Variants in ANKRD62 observed in about 807,000 individuals in gnomAD.
The protein encoded by ANKRD62 is ankyrin repeat domain-containing protein 62.
ANKRD62 carries 61 observed loss-of-function variants against 98.8 expected under a neutral mutation model. The observed-to-expected ratio is 0.62, with a 90% CI of 0.50 to 0.76. The LOEUF is 0.76. Ranked by LOEUF, ANKRD62 falls within the 30% of genes least tolerant of loss-of-function variation. The probability of loss-of-function intolerance (pLI) is 0.00; values close to 1 mark genes in which losing one functional copy is unlikely to be tolerated. For missense variants in ANKRD62, 933 were observed against 1,082.9 expected, an observed-to-expected ratio of 0.86 and a Z score of 1.94; for synonymous variants, 341 against 367.9, an observed-to-expected ratio of 0.93 and a Z score of 0.84.
At chr18:12,172,964 G>C in the ANKRD62 span, among the ~76,000 whole-genome samples, 2 of 152,216 alleles carry the variant, frequency 1.3e-5, no homozygotes. Flanking sequence ...GAAAAGCGCA[G>C]TATTAGGGTG....
the ANKRD62 span, among the ~76,000 whole-genome samples, chr18:12,175,146 T>C: frequency 8.5e-5 from 13 of 152,258 alleles, no homozygotes; most frequent in Non-Finnish European, 1.9e-4. Flanking sequence ...TGTGGTTGCA[T>C]TGGTGATGGT....
At chr18:12,152,953 T>C in the ANKRD62 span, among the ~76,000 whole-genome samples, 1 of 152,186 alleles carries the variant, frequency 6.6e-6, no homozygotes, top group Admixed American at 6.5e-5. Context: ...TAAACAACTT[T>C]AGCAGTCTGA....
chr18:12,175,127 G>A, the ANKRD62 span, among the ~76,000 whole-genome samples: 9 of 152,250 alleles, frequency 5.9e-5, no homozygotes, highest in African/African-American at 1.9e-4. Context: ...TGCTGCTGGC[G>A]ACTGTGTATG....
chr18:12,172,964 G>T, the ANKRD62 span, among the ~76,000 whole-genome samples: 126 of 152,334 alleles, frequency 8.3e-4, no homozygotes, highest in African/African-American at 2.9e-3. Flanking sequence ...GAAAAGCGCA[G>T]TATTAGGGTG....
intron 6 of ANKRD62, chr18:12,102,077 A>G: frequency 1.5e-6 from 2 of 1,367,052 alleles, no homozygotes; most frequent in Non-Finnish European, 2.1e-6. Context: ...GTTAAAGCTG[A>G]AAGTGCCAGA....
chr18:12,132,021 T>A (rs1910012946), downstream of ANKRD62, among the ~76,000 whole-genome samples: 2 of 152,176 alleles, frequency 1.3e-5, 1 homozygote, highest in East Asian at 3.8e-4. Context: ...GATTGCATTA[T>A]GTCATGGTAA....
At position 12,102,027 on chromosome 18, in the gene ANKRD62, G is replaced by A. The variant is rs1909310003; in HGVS notation, c.821-1131G>A. Reference sequence around the variant, plus strand: ...ACAGCGTGGCAACAGCTTTGCAGATGCCCACATCATGGTAGTTGAAATAGC... The same window carrying A: ...ACAGCGTGGCAACAGCTTTGCAGATACCCACATCATGGTAGTTGAAATAGC... On this transcript the variant is annotated intron_variant, in intron 6 of 13. Transcript: ENST00000587848. 1.8e-5 allele frequency: 25 copies of A among 1,377,896 alleles called. 1 individual carries two copies. In the South Asian group the frequency reaches 2.3e-4, roughly 13 times the overall value. 85.4% of individuals were successfully genotyped at this position (1,377,896 alleles called of 1,614,324 possible).
the ANKRD62 span, among the ~76,000 whole-genome samples, chr18:12,153,730 A>G: frequency 6.6e-6 from 1 of 152,186 alleles, no homozygotes; most frequent in Non-Finnish European, 1.5e-5. Context: ...TTCAAACTAT[A>G]CTACAGGGCT....
the ANKRD62 span, among the ~76,000 whole-genome samples, chr18:12,160,905 G>A: frequency 6.6e-6 from 1 of 152,088 alleles, no homozygotes; most frequent in African/African-American, 2.4e-5. Context: ...CTCAAGAAGC[G>A]TGTTAGACCC....
the ANKRD62 span, among the ~76,000 whole-genome samples, chr18:12,170,958 C>CTTTTTTTTT: frequency 7.3e-6 from 1 of 136,994 alleles, no homozygotes; most frequent in Non-Finnish European, 1.6e-5. Context: ...GCAACCCCTG[C>CTTTTTTTTT]TTTTTTTTTT....
At chr18:12,116,359 C>T (rs1161569584) in intron 10 of ANKRD62, among the ~76,000 whole-genome samples, 2 of 152,132 alleles carry the variant, frequency 1.3e-5, no homozygotes, top group Non-Finnish European at 2.9e-5. Context: ...TTATTTGTAG[C>T]CATTCTTATG....
chr18:12,160,409 G>A, the ANKRD62 span, among the ~76,000 whole-genome samples: 1 of 152,136 alleles, frequency 6.6e-6, no homozygotes, highest in South Asian at 2.1e-4. Context: ...GGTAGGTCAG[G>A]TTTACCATGT....
At chr18:12,177,441 G>C in the ANKRD62 span, among the ~76,000 whole-genome samples, 1 of 152,190 alleles carries the variant, frequency 6.6e-6, no homozygotes, top group East Asian at 1.9e-4. Flanking sequence ...AGCTGGGCAT[G>C]GGCAATAGTG....
At chr18:12,130,394 C>T (rs1285867165), downstream of ANKRD62, among the ~76,000 whole-genome samples, 4 of 152,000 alleles carry the variant, frequency 2.6e-5, no homozygotes, top group Middle Eastern at 3.4e-3. Flanking sequence ...AAAAAGCGAG[C>T]GGACAAAATT....
At chr18:12,124,110 T>C in intron 11 of ANKRD62, 27 bp from the exon 12 acceptor site, 1 of 1,184,836 alleles carries the variant, frequency 8.4e-7, no homozygotes, top group Non-Finnish European at 1.2e-6. Context: ...TTTTAAAGGC[T>C]TTTAAGATAA....
At position 12,095,551 on chromosome 18, in the gene ANKRD62, A is replaced by T. The variant is rs774204836; in HGVS notation, c.448A>T (p.Asn150Tyr). The T allele has an allele frequency of 6.5e-7, 1 of 1,547,496 alleles. No individual in the cohort carries two copies. Among genetic ancestry groups the T allele is most frequent in the South Asian group, 1.2e-5 (1 of 84,934 alleles). Residue 150 changes from asparagine (N) to tyrosine (Y), a missense_variant, in exon 3 of 14, where the codon AAT becomes TAT. Asn to Tyr is a moderately radical substitution (Grantham distance 143, BLOSUM62 -2). This residue lies in a region of ANKRD62 where 549 missense variants were observed against 587.9 expected (regional missense o/e 0.93). Transcript: ENST00000587848. ...TCTGCACTATGCCATTGATAATGAG[A>T]ATATATCAATGGCAAGAAAACTGCT... is the stretch of plus-strand genomic sequence containing the variant. ...TALHYAIDNENISMARKLLAY... is the reference protein window; with the variant it reads ...TALHYAIDNEYISMARKLLAY...
intron 5 of ANKRD62, among the ~76,000 whole-genome samples, chr18:12,098,075 T>C (rs1236207276): frequency 2.0e-5 from 3 of 152,222 alleles, no homozygotes; most frequent in African/African-American, 7.2e-5. Flanking sequence ...CTGTTAGAGA[T>C]GTTCAGATAG....
intron 11 of ANKRD62, among the ~76,000 whole-genome samples, 185 bp from the exon 12 acceptor site, chr18:12,123,951 GC>G (rs1909834564): frequency 6.6e-6 from 1 of 152,066 alleles, no homozygotes; most frequent in Non-Finnish European, 1.5e-5. Flanking sequence ...TAATCAATTA[GC>G]AGGATGTTCA....
chr18:12,169,287 T>A, the ANKRD62 span, among the ~76,000 whole-genome samples: 2 of 152,232 alleles, frequency 1.3e-5, no homozygotes, highest in Non-Finnish European at 2.9e-5. Flanking sequence ...ATAGCTCTTA[T>A]TATTTTGAGA....
Sources: allele counts gnomAD v4.1 joint callset (sites outside exome capture counted in the v4.1 genomes callset), GRCh38; gene constraint gnomAD v4.1.1; regional missense constraint gnomAD v4.1.1; transcripts MANE v1.5; gene names NCBI Gene and HGNC (gene_info 2026-07-23, HGNC 2026-07-21).